ANKRD53: variants seen among roughly 807,000 people sequenced by gnomAD.
ANKRD53 encodes ankyrin repeat domain 53, also known as ankyrin repeat domain-containing protein 53.
A neutral mutation model predicts 30.1 loss-of-function variants in ANKRD53; 27 were observed. That is an observed-to-expected ratio of 0.90 (90% CI 0.66 to 1.24). The LOEUF is 1.24. Ranked by LOEUF, ANKRD53 falls within the 50% of genes most tolerant of loss-of-function variation. The pLI is 0.00. For synonymous variants in ANKRD53, 286 were observed against 295.4 expected (o/e 0.97, Z 0.33); for missense variants, 682 against 721.0 (o/e 0.95, Z 0.62).
At chr2:70,979,918 C>A (rs1474008051) in intron 3 of ANKRD53, 58 bp downstream of exon 3, 19 of 1,598,148 alleles carry the variant, frequency 1.2e-5, no homozygotes, top group Non-Finnish European at 1.5e-5. Context: ...CACAGCCCTA[C>A]TTCCAGGCAG....
upstream of ANKRD53, chr2:70,978,585 GC>G: frequency 3.5e-6 from 5 of 1,420,776 alleles, no homozygotes; most frequent in Non-Finnish European, 4.6e-6. The surrounding 1 kb of genome is among the most constrained non-coding windows in gnomAD (Gnocchi z 4.3). Flanking sequence ...GCCCCCGGGG[GC>G]GGGGCGCCGG....
In ANKRD53 at chr2:70,982,079, G is replaced by A; in HGVS notation, c.761G>A (p.Trp254Ter). ...GYKPIDFCKI[W>*]NHRACARFLK... Reference sequence around the variant, plus strand: ...AAACCCATTGACTTCTGCAAAATATGGAACCACCGTGCCTGTGCCCGGTGA... The same window carrying A: ...AAACCCATTGACTTCTGCAAAATATAGAACCACCGTGCCTGTGCCCGGTGA... The change falls in exon 4 of 6, where the codon TGG becomes TAG. Residue 254 changes from tryptophan (W) to a stop codon, truncating the protein, a stop_gained. Coordinates refer to ENST00000360589, the MANE Select transcript of ANKRD53 (RefSeq NM_001115116.2). LOFTEE classifies it high-confidence loss of function. The surrounding 1 kb of genome is among the most constrained non-coding windows in gnomAD (Gnocchi z 4.2). 3.1e-6 allele frequency: 5 copies of A among 1,610,946 alleles called. No individual in the cohort carries two copies. The highest frequency in any genetic ancestry group is 3.4e-6 in the Non-Finnish European group (4 of 1,178,456).
At chr2:70,978,504 C>A, upstream of ANKRD53, 1 of 1,018,870 alleles carries the variant, frequency 9.8e-7, no homozygotes, top group Non-Finnish European at 1.3e-6. The surrounding 1 kb of genome is among the most constrained non-coding windows in gnomAD (Gnocchi z 4.3). Flanking sequence ...TCTGCCCCTC[C>A]AGCTAGAGAG....
In ANKRD53 at chr2:70,982,470, C is replaced by A. The variant is rs1670040956; in HGVS notation, c.783-107C>A. 6.7e-7 allele frequency: 1 copy of A among 1,490,222 alleles called. No individual in the cohort carries two copies. Among genetic ancestry groups the A allele is most frequent in the Non-Finnish European group, 9.1e-7 (1 of 1,094,262 alleles). 92.3% of individuals were successfully genotyped at this position (1,490,222 alleles called of 1,614,324 possible). ...GCTCATCTTGCTCCTCTCCCTCTGG[C>A]CACTCCCCTCATCCCCATCCAAGCC... On this transcript the variant is annotated intron_variant, in intron 4 of 5. Coordinates refer to ENST00000360589, the MANE Select transcript of ANKRD53 (RefSeq NM_001115116.2). The surrounding 1 kb of genome is among the most constrained non-coding windows in gnomAD (Gnocchi z 4.2).
rs782645878 is a variant in ANKRD53, at chr2:70,979,287, G to C, written c.361G>C (p.Glu121Gln). The C allele has an allele frequency of 1.2e-6, 2 of 1,613,700 alleles. No homozygotes were observed. The highest frequency in any genetic ancestry group is 1.7e-6 in the Non-Finnish European group (2 of 1,180,048). The change falls in exon 2 of 6, where the codon GAA becomes CAA. Residue 121 changes from glutamate to glutamine, a missense_variant. Coordinates refer to ENST00000360589, the MANE Select transcript of ANKRD53 (RefSeq NM_001115116.2). ...GTTCGCAGCGGCTGTGGGCAACGTG[G>C]AATGGCTGCGATTCTGTCTGAACCA... is the stretch of plus-strand genomic sequence containing the variant. ...QLFAAAVGNV[E>Q]WLRFCLNQSL...
In ANKRD53 at chr2:70,982,701, A is replaced by T; in HGVS notation, c.903+4A>T. 6.2e-7 allele frequency: 1 copy of T among 1,613,734 alleles called. No individual in the cohort carries two copies. Among genetic ancestry groups the T allele is most frequent in the Non-Finnish European group, 8.5e-7 (1 of 1,179,786 alleles). On this transcript the variant is annotated splice_donor_region_variant and intron_variant, in intron 5 of 5. Coordinates refer to ENST00000360589, the MANE Select transcript of ANKRD53 (RefSeq NM_001115116.2). The surrounding 1 kb of genome is among the most constrained non-coding windows in gnomAD (Gnocchi z 4.2). The stretch of plus-strand genomic sequence containing the variant: ...CAACTACCTGATTGAGTATCAAGTA[A>T]GGGGGACAGCAGGGGGGCCAGGGGA...
chr2:70,978,720 TGCTCG>T lies in ANKRD53; in HGVS notation c.78_82del (p.Arg27AlafsTer22). The T allele has an allele frequency of 6.4e-7, 1 of 1,550,450 alleles. No homozygotes were observed. Among genetic ancestry groups the T allele is most frequent in the Non-Finnish European group, 8.7e-7 (1 of 1,147,330 alleles). ...ACTCAGAAAGGGGAGAAGGGAGAGG[TGCTCG>T]GCCGCAGCCAACTCCAAGTGGCTCC... On this transcript the variant is annotated frameshift_variant, in exon 1 of 6. Transcript: ENST00000360589. LOFTEE classifies it high-confidence loss of function. This position sits in a 1 kb window ranked among gnomAD's most constrained non-coding sequence, Gnocchi z 4.3.
chr2:70,981,466 A>C (rs1553423617), intron 3 of ANKRD53, among the ~76,000 whole-genome samples: 1 of 152,222 alleles, frequency 6.6e-6, no homozygotes, highest in Non-Finnish European at 1.5e-5. Flanking sequence ...AGAGTGAGCC[A>C]GCCATGCAAA....
intron 3 of ANKRD53, among the ~76,000 whole-genome samples, chr2:70,980,255 C>T (rs1379348161): frequency 7.0e-6 from 1 of 143,540 alleles, no homozygotes; most frequent in African/African-American, 2.6e-5. Flanking sequence ...ATGGAGGTTG[C>T]GGTGAGCTGA....
chr2:70,983,625 G>A (rs186610518), intron 5 of ANKRD53, among the ~76,000 whole-genome samples: 123 of 152,230 alleles, frequency 8.1e-4, no homozygotes, highest in Non-Finnish European at 1.5e-3. Flanking sequence ...TGATGTCAGG[G>A]TCACCAGTCC....
Position 70,979,122 on chromosome 2 carries a change from C to T in ANKRD53, c.196C>T (p.His66Tyr), listed in dbSNP as rs1224074624. ...CCAGCCCCTGCCCGACCTCGCAGAC[C>T]ACCTCAGTGCGCAGGCGACTGCCCT... ...PSQPLPDLAD[H>Y]LSAQATALAR... Residue 66 changes from histidine to tyrosine, a missense_variant, in exon 2 of 6, where the codon CAC (histidine) becomes TAC (tyrosine). Coordinates refer to ENST00000360589, the MANE Select transcript of ANKRD53 (RefSeq NM_001115116.2). 1 of 1,605,018 alleles carries T rather than the reference C, an allele frequency of 6.2e-7. No individual in the cohort carries two copies. Among genetic ancestry groups the T allele is most frequent in the East Asian group, 2.2e-5 (1 of 44,766 alleles).
chr2:70,981,611 T>G (rs781977567), intron 3 of ANKRD53, among the ~76,000 whole-genome samples: 4 of 152,148 alleles, frequency 2.6e-5, no homozygotes, highest in Non-Finnish European at 5.9e-5. Context: ...GCATACGGAA[T>G]CTGGTGAGGC....
At chr2:70,984,421 C>T in intron 5 of ANKRD53, 190 bp from the exon 6 acceptor site, 1 of 985,378 alleles carries the variant, frequency 1.0e-6, no homozygotes, top group Non-Finnish European at 1.2e-6. Flanking sequence ...AGTTGTCTCC[C>T]CCATCGGAAC....
chr2:70,979,700 C>G lies in ANKRD53; in HGVS notation c.457C>G (p.Leu153Val). The stretch of plus-strand genomic sequence containing the variant: ...CCACTTCGCCGCCCAATGGGGCAAG[C>G]TTGCATGCCTGCAGGTCCTGGTAGA... Reference protein sequence around the residue: ...AIHFAAQWGKLACLQVLVEEY... With the variant: ...AIHFAAQWGKVACLQVLVEEY... Residue 153 changes from leucine (L) to valine (V), a missense_variant, in exon 3 of 6, where the codon CTT (leucine) becomes GTT (valine). Transcript: ENST00000360589. 4 of 1,614,196 alleles carry G rather than the reference C, an allele frequency of 2.5e-6. No individual in the cohort carries two copies. In the South Asian group the frequency reaches 4.4e-5, roughly 18 times the overall value.
At chr2:70,979,470 G>C in intron 2 of ANKRD53, 127 bp downstream of exon 2, 1 of 1,498,906 alleles carries the variant, frequency 6.7e-7, no homozygotes, top group Non-Finnish European at 8.9e-7. Context: ...TTCTGGCTGT[G>C]GAAGGACCAT....
Position 70,985,344 on chromosome 2 carries a change from C to A in ANKRD53, c.*44C>A, listed in dbSNP as rs1178692526. On this transcript the variant is annotated 3_prime_UTR_variant, in exon 6 of 6. Transcript: ENST00000360589. ...TCCCCCTGAGGCAGCCCAGTGAAGG[C>A]TGAAGTGTGGCAATTCACGTTGTGG... The A allele has an allele frequency of 2.0e-6, 3 of 1,502,918 alleles. No homozygotes were observed. The highest frequency in any genetic ancestry group is 2.8e-5 in the African/African-American group (2 of 71,732). 93.1% of individuals were successfully genotyped at this position (1,502,918 alleles called of 1,614,324 possible). A position where few individuals can be genotyped will look rare whatever the true frequency, so the allele number is the denominator to read the frequency against.
chr2:70,980,118 C>T (rs1553423311), intron 3 of ANKRD53, among the ~76,000 whole-genome samples: 1 of 152,140 alleles, frequency 6.6e-6, no homozygotes, highest in African/African-American at 2.4e-5. Flanking sequence ...GAGTTCAACA[C>T]CAGCATGACC....
At position 70,979,343 on chromosome 2, in the gene ANKRD53, G is replaced by T. The variant is rs1034532675; in HGVS notation, c.417G>T (p.Lys139Asn). 1.9e-6 allele frequency: 3 copies of T among 1,613,536 alleles called. No individual in the cohort carries two copies. The change falls in exon 2 of 6, where the codon AAG becomes AAT. Residue 139 changes from lysine (K) to asparagine (N), a missense_variant and splice_region_variant. By Grantham distance (94) the Lys-to-Asn change is moderately conservative (BLOSUM62 0). Transcript: ENST00000360589. The stretch of plus-strand genomic sequence containing the variant: ...TCAGGGAAATCCCCACCGACGACAA[G>T]GTAAGGTCTTGAGTGTTGGGGCAAA... ...QSLREIPTDD[K>N]GFTAIHFAAQ...
intron 5 of ANKRD53, among the ~76,000 whole-genome samples, chr2:70,983,248 C>T (rs568063815): frequency 3.1e-4 from 47 of 152,208 alleles, no homozygotes; most frequent in African/African-American, 9.6e-4. Flanking sequence ...TTGAAAGATG[C>T]GCAGCAGTTG....
Sources: allele counts gnomAD v4.1 joint callset (sites outside exome capture counted in the v4.1 genomes callset), GRCh38; gene constraint gnomAD v4.1.1; non-coding constraint Gnocchi (gnomAD v3.1); transcripts MANE v1.5; gene names NCBI Gene and HGNC (gene_info 2026-07-23, HGNC 2026-07-21).